VPS13A: variants seen among roughly 807,000 people sequenced by gnomAD.
VPS13A encodes vacuolar protein sorting 13 homolog A, also known as intermembrane lipid transfer protein VPS13A.
In VPS13A, 264 loss-of-function variants were observed where a neutral mutation model predicts 390.9. The observed-to-expected ratio is 0.68, with a 90% CI of 0.61 to 0.75. The LOEUF is 0.75. VPS13A is among the 30% of genes least tolerant of loss of function. The pLI is 0.00. For missense variants in VPS13A, 3,409 were observed against 3,733.9 expected (o/e 0.91, Z 2.27); for synonymous variants, 1,231 against 1,227.1 (o/e 1.00, Z -0.07).
intron 23 of VPS13A, 56 bp downstream of exon 23, chr9:77,260,280 A>AT: frequency 6.4e-7 from 1 of 1,558,400 alleles, no homozygotes; most frequent in Non-Finnish European, 8.8e-7. Flanking sequence ...CACAAATAGT[A>AT]TTTCAAACAA....
chr9:77,261,589 A>T (rs79619837), intron 23 of VPS13A, among the ~76,000 whole-genome samples: 2,067 of 140,352 alleles, frequency 0.015, 38 homozygotes, highest in African/African-American at 0.045. Flanking sequence ...AAAAAAAAAA[A>T]TTTTTTTTTT....
intron 56 of VPS13A, 94 bp downstream of exon 56, chr9:77,357,932 A>T: frequency 1.0e-6 from 1 of 956,134 alleles, no homozygotes; most frequent in Non-Finnish European, 1.6e-6. Flanking sequence ...TCTAGTATTC[A>T]GTTTCAATGT....
chr9:77,269,202 G>T (rs1374407992), intron 23 of VPS13A, among the ~76,000 whole-genome samples: 1 of 152,062 alleles, frequency 6.6e-6, no homozygotes, highest in Non-Finnish European at 1.5e-5. Context: ...ATTTTTTAGA[G>T]TTAGGTTTTA....
At position 77,238,279 on chromosome 9, in the gene VPS13A, T is replaced by G; in HGVS notation, c.1793T>G (p.Val598Gly). The G allele has an allele frequency of 6.2e-7, 1 of 1,613,590 alleles. No individual in the cohort carries two copies. Among genetic ancestry groups the G allele is most frequent in the South Asian group, 1.1e-5 (1 of 91,072 alleles). ...PLEIIYDARTVNSIVEFFRPP... is the reference protein window; with the variant it reads ...PLEIIYDARTGNSIVEFFRPP... ...TGATGTTTATTTTAACAGAGGACAG[T>G]GAATAGTATAGTGGAATTCTTCAGA... is the stretch of plus-strand genomic sequence containing the variant. Residue 598 changes from valine to glycine, a missense_variant, in exon 19 of 72, where the codon GTG (valine) becomes GGG (glycine). By Grantham distance (109) the Val-to-Gly change is moderately radical. Around this residue, in one of 5 missense-constraint regions of VPS13A, gnomAD observed 2,717 missense variants for 2,917.4 expected, o/e 0.93. Transcript: ENST00000360280.
intron 71 of VPS13A, among the ~76,000 whole-genome samples, chr9:77,409,708 G>A (rs1834821743): frequency 1.3e-5 from 2 of 151,158 alleles, no homozygotes; most frequent in Admixed American, 6.6e-5. Flanking sequence ...AGTGATGGAA[G>A]ATGAAATGAA....
chr9:77,357,607 T>G (rs1245363028), intron 55 of VPS13A, 85 bp from the exon 56 acceptor site: 5 of 1,390,556 alleles, frequency 3.6e-6, no homozygotes, highest in Non-Finnish European at 5.0e-6. Context: ...TAGCTTACTG[T>G]TTTAAAAAGT....
intron 1 of VPS13A, among the ~76,000 whole-genome samples, chr9:77,194,028 G>A (rs1394841249): frequency 1.3e-5 from 2 of 152,098 alleles, no homozygotes; most frequent in Non-Finnish European, 2.9e-5. Flanking sequence ...AGGTGTTCCC[G>A]GTCTGCTGGG....
At chr9:77,295,332 G>C (rs1331381674) in intron 32 of VPS13A, among the ~76,000 whole-genome samples, 4 of 152,058 alleles carry the variant, frequency 2.6e-5, no homozygotes, top group Non-Finnish European at 4.4e-5. Context: ...CTGAGGACTA[G>C]ATTTTTATTT....
chr9:77,206,185 G>A, intron 5 of VPS13A, 106 bp downstream of exon 5: 1 of 848,656 alleles, frequency 1.2e-6, no homozygotes, highest in South Asian at 1.6e-5. Context: ...GATTATTTCA[G>A]AAATATGATA....
chr9:77,203,315 A>G (rs1488958317), intron 3 of VPS13A, among the ~76,000 whole-genome samples: 1 of 152,168 alleles, frequency 6.6e-6, no homozygotes, highest in Non-Finnish European at 1.5e-5. Flanking sequence ...TTGAGACAGC[A>G]TCTTGCTCTG....
intron 1 of VPS13A, among the ~76,000 whole-genome samples, chr9:77,195,861 G>GT (rs547850186): frequency 1.8e-4 from 27 of 150,194 alleles, no homozygotes; most frequent in African/African-American, 2.4e-4. Flanking sequence ...ATTTTGTTTT[G>GT]TTTTTTTCCC....
In VPS13A at chr9:77,276,218, T is replaced by C. The variant is rs2131332717; in HGVS notation, c.2821T>C (p.Leu941=). 1 of 1,602,866 alleles carries C rather than the reference T, an allele frequency of 6.2e-7. No individual in the cohort carries two copies. The highest frequency in any genetic ancestry group is 8.5e-7 in the Non-Finnish European group (1 of 1,175,266). ...GTTCTGCTTAAAATGCCCAGAATAC[T>C]TGGGTAAGAATCTCTATTTTTTAAA... The part of the protein sequence containing the change: ...KEFCLKCPEY[L]DENKKPVYLV... Residue 941 remains leucine (L), a synonymous_variant, in exon 26 of 72, where the codon TTG becomes CTG. Transcript: ENST00000360280.
At chr9:77,218,542 T>C (rs1324085560) in intron 10 of VPS13A, among the ~76,000 whole-genome samples, 1 of 152,162 alleles carries the variant, frequency 6.6e-6, no homozygotes, top group African/African-American at 2.4e-5. Context: ...TACAGTTTGA[T>C]ATTTTAATAA....
At chr9:77,227,613 C>T in intron 16 of VPS13A, 128 bp downstream of exon 16, 2 of 701,354 alleles carry the variant, frequency 2.9e-6, no homozygotes, top group Admixed American at 2.3e-5. Flanking sequence ...TTAACCTGGC[C>T]TCAAGCAATC....
At chr9:77,390,116 A>G in intron 68 of VPS13A, 1 of 985,398 alleles carries the variant, frequency 1.0e-6, no homozygotes, top group Middle Eastern at 5.2e-4. Flanking sequence ...AGTGCCGAAC[A>G]CTTCCTGGCT....
chr9:77,411,193 G>A (rs1018351926), intron 71 of VPS13A, among the ~76,000 whole-genome samples: 2 of 152,022 alleles, frequency 1.3e-5, no homozygotes, highest in Non-Finnish European at 2.9e-5. Flanking sequence ...TGACTACTGG[G>A]TACATAACGA....
intron 23 of VPS13A, among the ~76,000 whole-genome samples, chr9:77,265,772 GT>G (rs1260327761): frequency 6.6e-6 from 1 of 152,052 alleles, no homozygotes; most frequent in African/African-American, 2.4e-5. Context: ...TTTTTGAAGG[GT>G]TTTTCGTGTC....
intron 67 of VPS13A, among the ~76,000 whole-genome samples, chr9:77,376,244 TG>T (rs1180227027): frequency 6.6e-6 from 1 of 152,134 alleles, no homozygotes; most frequent in African/African-American, 2.4e-5. Flanking sequence ...TTGAAGAAGA[TG>T]TTACCAGGGA....
At position 77,406,018 on chromosome 9, in the gene VPS13A, T is replaced by C. The variant is rs768736950; in HGVS notation, c.9399+31T>C. ...TTGAATAGATTTATTTTTTGAAAAC[T>C]TGGAACTGAAAATAATGCTTTGAAG... On this transcript the variant is annotated intron_variant, in intron 70 of 71. Transcript: ENST00000360280. 2.9e-5 allele frequency: 47 copies of C among 1,611,894 alleles called. No individual in the cohort carries two copies. In the South Asian group the frequency reaches 4.6e-4, roughly 16 times the overall value.
Sources: gnomAD v4.1 joint callset for allele counts (sites outside exome capture counted in the v4.1 genomes callset) on GRCh38, gnomAD v4.1.1 for gene constraint, gnomAD v4.1.1 regional missense constraint, MANE v1.5 for transcripts, NCBI Gene and HGNC (gene_info 2026-07-23, HGNC 2026-07-21) for gene names.